The following LEKR1 variants were observed in gnomAD, a reference collection of about 807,000 sequenced individuals.
LEKR1 encodes leucine, glutamate and lysine rich 1.
A neutral mutation model predicts 72.4 loss-of-function variants in LEKR1; 59 were observed. That is an observed-to-expected ratio of 0.82 (90% CI 0.66 to 1.01). The LOEUF is 1.01. LEKR1 is among the 50% of genes least tolerant of loss of function. LEKR1 has a pLI of 0.00. For missense variants in LEKR1, 728 were observed against 759.2 expected (o/e 0.96, Z 0.48); for synonymous variants, 257 against 263.2 (o/e 0.98, Z 0.23).
chr3:157,017,497 C>A (rs1409129148), intron 10 of LEKR1: 2 of 152,164 alleles, frequency 1.3e-5, no homozygotes, highest in African/African-American at 4.8e-5. Context: ...AAGAGGATGA[C>A]CTTCCTTGAT....
At chr3:156,969,685 C>G (rs1430158796) in intron 6 of LEKR1, among the ~76,000 whole-genome samples, 1 of 152,132 alleles carries the variant, frequency 6.6e-6, no homozygotes, top group Non-Finnish European at 1.5e-5. Context: ...CCGAATTCTA[C>G]CAGAGGTACA....
chr3:156,873,957 A>G lies in LEKR1; in HGVS notation c.263+20975A>G, dbSNP rs576808441. 3.9e-5 allele frequency among the ~76,000 whole-genome samples: 6 copies of G among 152,084 alleles called. 1 individual carries two copies. In the South Asian group the frequency reaches 1.2e-3, roughly 32 times the overall value. On this transcript the variant is annotated intron_variant, in intron 3 of 12. Transcript: ENST00000356539. ...TCTTAGTCTTTGACTTTGACAGTTT[A>G]ACTATAATGTGCTATGGTGAAGACC... is the stretch of plus-strand genomic sequence containing the variant.
chr3:156,960,433 G>A (rs536621674), intron 6 of LEKR1, among the ~76,000 whole-genome samples: 2 of 152,106 alleles, frequency 1.3e-5, no homozygotes, highest in South Asian at 4.2e-4. Flanking sequence ...TTACAGACAT[G>A]CGCCACCAAG....
At chr3:156,932,516 C>A (rs1025411380) in intron 5 of LEKR1, among the ~76,000 whole-genome samples, 1 of 151,976 alleles carries the variant, frequency 6.6e-6, no homozygotes, top group Non-Finnish European at 1.5e-5. Context: ...AGTTTGAGAC[C>A]AGCCTGGGCA....
At chr3:156,859,741 T>C (rs1716537607) in intron 3 of LEKR1, among the ~76,000 whole-genome samples, 1 of 152,178 alleles carries the variant, frequency 6.6e-6, no homozygotes, top group African/African-American at 2.4e-5. Flanking sequence ...TACAGAACAG[T>C]TTCACTACCC....
At chr3:156,935,814 TAC>T (rs1183515348) in intron 5 of LEKR1, among the ~76,000 whole-genome samples, 1 of 152,156 alleles carries the variant, frequency 6.6e-6, no homozygotes, top group Non-Finnish European at 1.5e-5. Flanking sequence ...TGAAATAAAA[TAC>T]ACTATTAAAA....
intron 6 of LEKR1, among the ~76,000 whole-genome samples, chr3:156,952,948 C>T (rs1176130934): frequency 2.6e-5 from 4 of 151,180 alleles, no homozygotes; most frequent in African/African-American, 9.7e-5. Flanking sequence ...ACTATATTGT[C>T]AAACAAAGAA....
At chr3:156,888,185 A>T in intron 3 of LEKR1, 1 of 641,466 alleles carries the variant, frequency 1.6e-6, no homozygotes, top group Non-Finnish European at 2.9e-6. Flanking sequence ...TGGGGAGAGG[A>T]TTGGGTTAGG....
chr3:157,015,204 G>A lies in LEKR1; in HGVS notation c.1203+3698G>A, dbSNP rs182262584. 1.6e-4 allele frequency among the ~76,000 whole-genome samples: 25 copies of A among 152,242 alleles called. No individual in the cohort carries two copies. The South Asian group carries it at 4.0e-3, about 24-fold the overall frequency. ...CTTTGAGTTGAGGAAACCTTGCAGC[G>A]TCCTGGGAGATCATGGTGGCTAAAG... is the stretch of plus-strand genomic sequence containing the variant. On this transcript the variant is annotated intron_variant, in intron 10 of 12. Transcript: ENST00000356539.
chr3:156,871,527 G>A (rs1325361379), intron 3 of LEKR1, among the ~76,000 whole-genome samples: 8 of 152,116 alleles, frequency 5.3e-5, no homozygotes, highest in African/African-American at 9.7e-5. Context: ...CTGAGGAGTC[G>A]CCACACTGAC....
chr3:156,971,411 A>G (rs1005641426), intron 6 of LEKR1, among the ~76,000 whole-genome samples: 1 of 152,220 alleles, frequency 6.6e-6, no homozygotes, highest in Non-Finnish European at 1.5e-5. Flanking sequence ...AGGCAATACA[A>G]TTCAGGACAT....
chr3:156,886,843 C>G (rs936495763), intron 3 of LEKR1, among the ~76,000 whole-genome samples: 1 of 152,172 alleles, frequency 6.6e-6, no homozygotes, highest in African/African-American at 2.4e-5. Context: ...TGCAATCAAA[C>G]AAGAATTCAT....
At chr3:156,993,557 T>C (rs754073311) in intron 9 of LEKR1, among the ~76,000 whole-genome samples, 2 of 151,440 alleles carry the variant, frequency 1.3e-5, no homozygotes, top group Admixed American at 6.6e-5. Context: ...AAAAAAAAAA[T>C]CAGACCACGT....
At chr3:156,889,743 T>G (rs1238425316) in intron 3 of LEKR1, among the ~76,000 whole-genome samples, 2 of 152,236 alleles carry the variant, frequency 1.3e-5, no homozygotes, top group African/African-American at 4.8e-5. Context: ...CTTGGTAATG[T>G]CATTCCCCAC....
At chr3:156,975,709 C>T (rs1174203832) in intron 6 of LEKR1, among the ~76,000 whole-genome samples, 4 of 152,174 alleles carry the variant, frequency 2.6e-5, no homozygotes, top group African/African-American at 4.8e-5. Context: ...AGGTTAAGAA[C>T]TCTTTCTGTC....
Position 157,045,812 on chromosome 3 carries a change from T to C in LEKR1, c.*62T>C. ...ACGCTCTTTCAGAGAGTGCCAGGAATTCACTGTAACTGAGAATGACAATGA... is the reference window on the plus strand; with the variant it reads ...ACGCTCTTTCAGAGAGTGCCAGGAACTCACTGTAACTGAGAATGACAATGA... On this transcript the variant is annotated 3_prime_UTR_variant, in exon 13 of 13. Coordinates refer to ENST00000356539, the MANE Select transcript of LEKR1 (RefSeq NM_001004316.3). 1 of 1,379,734 alleles carries C rather than the reference T, an allele frequency of 7.2e-7. No homozygotes were observed. The highest frequency in any genetic ancestry group is 1.0e-6 in the Non-Finnish European group (1 of 998,288). 85.5% of individuals were successfully genotyped at this position (1,379,734 alleles called of 1,614,324 possible).
chr3:156,851,013 G>A (rs1255864840), intron 2 of LEKR1, among the ~76,000 whole-genome samples: 3 of 152,092 alleles, frequency 2.0e-5, no homozygotes, highest in Non-Finnish European at 2.9e-5. Flanking sequence ...GCATTAGAAC[G>A]TATTACAATG....
intron 7 of LEKR1, among the ~76,000 whole-genome samples, chr3:156,985,027 G>T (rs927535608): frequency 2.0e-5 from 3 of 151,760 alleles, no homozygotes; most frequent in African/African-American, 7.3e-5. Context: ...AGGTGGCCTG[G>T]TGGCATTCCA....
At chr3:156,859,845 C>T (rs1716559553) in intron 3 of LEKR1, among the ~76,000 whole-genome samples, 1 of 152,222 alleles carries the variant, frequency 6.6e-6, no homozygotes, top group African/African-American at 2.4e-5. Flanking sequence ...TGGAGTACGG[C>T]AAGTACTGCC....
Sources: allele counts gnomAD v4.1 joint callset (sites outside exome capture counted in the v4.1 genomes callset), GRCh38; gene constraint gnomAD v4.1.1; transcripts MANE v1.5; gene names NCBI Gene and HGNC (gene_info 2026-07-23, HGNC 2026-07-21).